LRRC7: variants seen among roughly 807,000 people sequenced by gnomAD.
The protein encoded by LRRC7 is leucine rich repeat containing 7, also known as leucine-rich repeat-containing protein 7.
Under a neutral mutation model 175.7 loss-of-function variants are expected in LRRC7, and 23 were observed. That is an observed-to-expected ratio of 0.13 (90% CI 0.09 to 0.19). The LOEUF (loss-of-function observed/expected upper bound fraction) is 0.19. LRRC7 is among the 10% of genes least tolerant of loss of function. The pLI is 1.00. For missense variants in LRRC7, 1,354 were observed against 1,904.7 expected, an observed-to-expected ratio of 0.71 and a Z score of 5.38; for synonymous variants, 685 against 680.9, an observed-to-expected ratio of 1.01 and a Z score of -0.09.
In LRRC7 at chr1:69,666,219, G is replaced by T. The variant is rs534720965; in HGVS notation, c.3-12162G>T. On this transcript the variant is annotated intron_variant, in intron 1 of 26. Transcript: ENST00000651989. The stretch of plus-strand genomic sequence containing the variant: ...ATCTTTTTAATGTATAGTTGAATTT[G>T]GTTCGCTAGTATTTTGTTGCAAATG... 1.1e-3 allele frequency among the ~76,000 whole-genome samples: 171 copies of T among 152,092 alleles called. 1 individual carries two copies. Among genetic ancestry groups the T allele is most frequent in the Non-Finnish European group, 2.2e-3 (146 of 67,904 alleles).
At chr1:69,647,381 G>A (rs993117804) in intron 1 of LRRC7, among the ~76,000 whole-genome samples, 2 of 152,110 alleles carry the variant, frequency 1.3e-5, no homozygotes, top group African/African-American at 4.8e-5. Context: ...AATCTTGAGT[G>A]CTAGAACTCA....
chr1:69,768,982 T>C (rs1456742506), intron 3 of LRRC7, among the ~76,000 whole-genome samples: 2 of 152,222 alleles, frequency 1.3e-5, no homozygotes. Context: ...GAATAGGTTT[T>C]CTAAAATTCT....
chr1:70,004,555 T>G (rs1156595043), intron 11 of LRRC7, among the ~76,000 whole-genome samples: 1 of 152,166 alleles, frequency 6.6e-6, no homozygotes, highest in Non-Finnish European at 1.5e-5. Context: ...TGCTCAGTGA[T>G]GAAACTGAGG....
chr1:69,608,852 CTCTCTCTCTCTCTCTATATATATATATA>C lies in LRRC7; in HGVS notation c.2+40213_2+40240del, dbSNP rs1413602675. The stretch of plus-strand genomic sequence containing the variant: ...TCTCTCTCTCTCTCTCTCTCTCTCT[CTCTCTCTCTCTCTCTATATATATATATA>C]TATATATATATATATATATACACAC... On this transcript the variant is annotated intron_variant, in intron 1 of 26. Transcript: ENST00000651989. 3.8e-3 allele frequency among the ~76,000 whole-genome samples: 164 copies of C among 43,634 alleles called. 1 individual carries two copies. The highest frequency in any genetic ancestry group is 8.6e-3 in the African/African-American group (60 of 6,984). The allele number at this position is 43,634 out of a possible 152,430, so 28.6% of individuals were successfully genotyped here.
intron 18 of LRRC7, among the ~76,000 whole-genome samples, chr1:70,029,279 A>C (rs1180384415): frequency 6.6e-6 from 1 of 152,206 alleles, no homozygotes; most frequent in Non-Finnish European, 1.5e-5. Flanking sequence ...ATTATCTAAA[A>C]TATGATCACA....
chr1:69,740,217 T>C (rs1668558196), intron 2 of LRRC7, among the ~76,000 whole-genome samples: 2 of 152,096 alleles, frequency 1.3e-5, no homozygotes, highest in African/African-American at 4.8e-5. Context: ...CTCCTAGTTC[T>C]AGAGGATGAA....
intron 1 of LRRC7, among the ~76,000 whole-genome samples, chr1:69,593,823 G>T (rs1646732019): frequency 6.6e-6 from 1 of 152,144 alleles, no homozygotes; most frequent in Admixed American, 6.5e-5. Context: ...ATCTGAGTCT[G>T]AATCTATGTT....
At chr1:69,874,646 A>G (rs978936954) in intron 7 of LRRC7, 7 of 152,050 alleles carry the variant, frequency 4.6e-5, no homozygotes, top group African/African-American at 7.2e-5. Flanking sequence ...TGTAAAACCT[A>G]TGCTATGGAA....
intron 25 of LRRC7, among the ~76,000 whole-genome samples, chr1:70,098,958 C>G (rs1477124277): frequency 6.6e-6 from 1 of 152,158 alleles, no homozygotes. Flanking sequence ...GGGATCCTCC[C>G]TAACTCATTT....
At position 70,142,057 on chromosome 1, in the gene LRRC7, G is replaced by A. The variant is rs1667082837; in HGVS notation, c.*20170G>A. On this transcript the variant is annotated 3_prime_UTR_variant, in exon 27 of 27. Coordinates refer to ENST00000651989, the MANE Select transcript of LRRC7 (RefSeq NM_001370785.2). ...TTCTTATTTAGTCAGGAAATCTTAT[G>A]TAATATTTTTGGACGGTCCATAGGA... 1 of 152,026 alleles carries A rather than the reference G, an allele frequency of 6.6e-6. No individual in the cohort carries two copies. Among genetic ancestry groups the A allele is most frequent in the African/African-American group, 2.4e-5 (1 of 41,400 alleles). 9.4% of individuals were successfully genotyped at this position (152,026 alleles called of 1,614,324 possible).
At chr1:69,919,210 C>T (rs1228227919) in intron 7 of LRRC7, 6 of 291,062 alleles carry the variant, frequency 2.1e-5, no homozygotes, top group Admixed American at 2.0e-4. Context: ...TCAGGCTCTG[C>T]AGTCCATAGG....
chr1:69,781,683 A>AG (rs1431800418), intron 3 of LRRC7, among the ~76,000 whole-genome samples: 2 of 88,650 alleles, frequency 2.3e-5, no homozygotes, highest in Non-Finnish European at 4.6e-5. Flanking sequence ...CTGTCTCAAA[A>AG]AAAAGAAGAA....
rs144522847 is a variant in LRRC7 at position 70,129,414 on chromosome 1, A to G, written c.*7527A>G. Among the ~76,000 whole-genome samples, 207 of 152,238 alleles carry G rather than the reference A, an allele frequency of 1.4e-3. No homozygotes were observed. Among genetic ancestry groups the G allele is most frequent in the African/African-American group, 4.7e-3 (195 of 41,556 alleles). On this transcript the variant is annotated 3_prime_UTR_variant, in exon 27 of 27. Coordinates refer to ENST00000651989, the MANE Select transcript of LRRC7 (RefSeq NM_001370785.2). ...CTGGAAGAGGAGCGAGAATTTTGCC[A>G]ATTTGTTCTAAAGAGGAAAGGAAAT...
At chr1:69,611,016 A>G (rs1180096002) in intron 1 of LRRC7, among the ~76,000 whole-genome samples, 1 of 151,942 alleles carries the variant, frequency 6.6e-6, no homozygotes, top group Admixed American at 6.6e-5. Flanking sequence ...TATACATAGT[A>G]TTTGCTAAAT....
chr1:69,585,447 C>A (rs1160134300), intron 1 of LRRC7, among the ~76,000 whole-genome samples: 1 of 152,092 alleles, frequency 6.6e-6, no homozygotes, highest in Non-Finnish European at 1.5e-5. Flanking sequence ...CAGAAAAATT[C>A]TGTGTTGTAG....
intron 7 of LRRC7, among the ~76,000 whole-genome samples, chr1:69,921,164 G>A (rs1646877056): frequency 6.6e-6 from 1 of 150,920 alleles, no homozygotes; most frequent in Non-Finnish European, 1.5e-5. Context: ...TTTGGAAAAA[G>A]TAACAATTCA....
At chr1:70,034,938 G>T (rs1659150414) in intron 18 of LRRC7, among the ~76,000 whole-genome samples, 3 of 152,146 alleles carry the variant, frequency 2.0e-5, no homozygotes. Context: ...ACCTGAGCAT[G>T]TCACTATGGG....
At chr1:69,657,108 T>TTG (rs1016002248) in intron 1 of LRRC7, among the ~76,000 whole-genome samples, 14 of 151,300 alleles carry the variant, frequency 9.3e-5, no homozygotes, top group Admixed American at 4.0e-4. Flanking sequence ...GATACTTATA[T>TTG]TGTGTGTGTG....
chr1:69,842,513 A>G (rs933932331), intron 7 of LRRC7, among the ~76,000 whole-genome samples: 3 of 152,226 alleles, frequency 2.0e-5, no homozygotes, highest in African/African-American at 7.2e-5. Flanking sequence ...ATGAAACATG[A>G]TACCTCACTT....
Sources: gnomAD v4.1 joint callset for allele counts (sites outside exome capture counted in the v4.1 genomes callset) on GRCh38, gnomAD v4.1.1 for gene constraint, MANE v1.5 for transcripts, NCBI Gene and HGNC (gene_info 2026-07-23, HGNC 2026-07-21) for gene names.